SLC30A5: variants seen among roughly 807,000 people sequenced by gnomAD.
The protein encoded by SLC30A5 is solute carrier family 30 member 5, also known as proton-coupled zinc antiporter SLC30A5.
Under a neutral mutation model 79.6 loss-of-function variants are expected in SLC30A5, and 33 were observed. The observed-to-expected ratio is 0.41, with a 90% CI of 0.31 to 0.55. The LOEUF (loss-of-function observed/expected upper bound fraction) is 0.55, where lower values mean the gene tolerates loss of function less well. SLC30A5 is among the 20% of genes least tolerant of loss of function. The pLI, the probability that SLC30A5 is intolerant of heterozygous loss-of-function variation, is 0.20. For synonymous variants in SLC30A5, 299 were observed against 319.7 expected (o/e 0.94, Z 0.69); for missense variants, 788 against 928.1 (o/e 0.85, Z 1.96).
chr5:69,128,245 C>G (rs1215469878), intron 15 of SLC30A5, 113 bp downstream of exon 15: 2 of 575,276 alleles, frequency 3.5e-6, no homozygotes, highest in African/African-American at 4.4e-5. Flanking sequence ...ATCAATCTTC[C>G]AACTCTTTTT....
In SLC30A5 at chr5:69,114,470, G is replaced by T. The variant is rs752736012; in HGVS notation, c.586G>T (p.Ala196Ser). 3.7e-6 allele frequency: 6 copies of T among 1,605,806 alleles called. No individual in the cohort carries two copies. The highest frequency in any genetic ancestry group is 5.1e-6 in the Non-Finnish European group (6 of 1,173,290). The change falls in exon 7 of 16, where the codon GCC becomes TCC. Residue 196 changes from alanine (A) to serine (S), a missense_variant. Around this residue, in one of 3 missense-constraint regions of SLC30A5, gnomAD observed 626 missense variants for 755.5 expected, o/e 0.83. Coordinates refer to ENST00000396591, the MANE Select transcript of SLC30A5 (RefSeq NM_022902.5). Reference sequence around the variant, plus strand: ...AACTCATATGCTTTACACAGCCATTGCCTTCTTAGGTGTGGCAGATCACAA... The same window carrying T: ...AACTCATATGCTTTACACAGCCATTTCCTTCTTAGGTGTGGCAGATCACAA... Reference protein sequence around the residue: ...ALTHMLYTAIAFLGVADHKGG... With the variant: ...ALTHMLYTAISFLGVADHKGG...
chr5:69,116,642 T>C lies in SLC30A5; in HGVS notation c.1281+40T>C. The C allele has an allele frequency of 7.5e-7, 1 of 1,327,846 alleles. No homozygotes were observed. The highest frequency in any genetic ancestry group is 1.0e-6 in the Non-Finnish European group (1 of 989,366). 82.3% of individuals were successfully genotyped at this position (1,327,846 alleles called of 1,614,324 possible). A position where few individuals can be genotyped will look rare whatever the true frequency, so the allele number is the denominator to read the frequency against. On this transcript the variant is annotated intron_variant, in intron 10 of 15. Coordinates refer to ENST00000396591, the MANE Select transcript of SLC30A5 (RefSeq NM_022902.5). This position sits in a 1 kb window ranked among gnomAD's most constrained non-coding sequence, Gnocchi z 4.0. Reference sequence around the variant, plus strand: ...TGTTAATTGACATATCCTAAAAGCATAATATTTTAATTTTGACAGTTCTGG... The same window carrying C: ...TGTTAATTGACATATCCTAAAAGCACAATATTTTAATTTTGACAGTTCTGG...
In SLC30A5 at chr5:69,123,358, C is replaced by G; in HGVS notation, c.1931C>G (p.Ala644Gly). The change falls in exon 14 of 16, where the codon GCC (alanine) becomes GGC (glycine). Residue 644 changes from alanine to glycine, a missense_variant. Transcript: ENST00000396591. Reference protein sequence around the residue: ...FLSVVPLIKDACQVLLLRLPP... With the variant: ...FLSVVPLIKDGCQVLLLRLPP... ...AGTGTTGTTCCACTGATTAAAGATGCCTGCCAGGTTCTACTCCTGAGATTG... is the reference window on the plus strand; with the variant it reads ...AGTGTTGTTCCACTGATTAAAGATGGCTGCCAGGTTCTACTCCTGAGATTG... The G allele has an allele frequency of 1.2e-6, 2 of 1,613,928 alleles. No individual in the cohort carries two copies. The highest frequency in any genetic ancestry group is 1.7e-6 in the Non-Finnish European group (2 of 1,179,912).
rs185371740 is a variant in SLC30A5, at chr5:69,128,162, T to C, written c.2127+30T>C. ...TCTTTTGTTTTTAAAGTAATTTTAA[T>C]TGAGGTCATTCATACCCAAAATTGT... On this transcript the variant is annotated intron_variant, in intron 15 of 15. Coordinates refer to ENST00000396591, the MANE Select transcript of SLC30A5 (RefSeq NM_022902.5). 2.3e-3 allele frequency: 3,714 copies of C among 1,587,982 alleles called. 7 individuals are homozygous for C. Among genetic ancestry groups the C allele is most frequent in the Non-Finnish European group, 2.5e-3 (2,893 of 1,164,864 alleles).
At chr5:69,101,736 C>T (rs558790569) in intron 2 of SLC30A5, among the ~76,000 whole-genome samples, 2 of 151,142 alleles carry the variant, frequency 1.3e-5, no homozygotes, top group Admixed American at 6.6e-5. Context: ...GCAGGTGGAT[C>T]GCCTGAGGTC....
intron 2 of SLC30A5, among the ~76,000 whole-genome samples, chr5:69,101,923 C>T (rs1489152712): frequency 6.7e-6 from 1 of 150,170 alleles, no homozygotes; most frequent in Admixed American, 6.6e-5. Flanking sequence ...TGCCACTGCA[C>T]TCCAGCCTGG....
intron 2 of SLC30A5, among the ~76,000 whole-genome samples, chr5:69,101,569 G>A (rs535096610): frequency 1.3e-5 from 2 of 150,994 alleles, no homozygotes; most frequent in African/African-American, 2.4e-5. Flanking sequence ...GAGCCACCAC[G>A]CCTGGCCTAC....
At chr5:69,123,515 A>T (rs667796) in intron 14 of SLC30A5, 90 bp downstream of exon 14, 5 of 987,136 alleles carry the variant, frequency 5.1e-6, no homozygotes, top group African/African-American at 1.6e-5. Context: ...CCAAATAAAT[A>T]ATAAAACAAA....
chr5:69,116,515 G>A lies in SLC30A5; in HGVS notation c.1194G>A (p.Ser398=), dbSNP rs1449691783. The A allele has an allele frequency of 8.1e-6, 13 of 1,611,818 alleles. No individual in the cohort carries two copies. Among genetic ancestry groups the A allele is most frequent in the African/African-American group, 1.3e-5 (1 of 74,828 alleles). Residue 398 remains serine, a synonymous_variant, in exon 10 of 16, where the codon TCG becomes TCA. Coordinates refer to ENST00000396591, the MANE Select transcript of SLC30A5 (RefSeq NM_022902.5). This position sits in a 1 kb window ranked among gnomAD's most constrained non-coding sequence, Gnocchi z 4.0. ...ATGCTTTTCAGCATAGCTCTCAATC[G>A]ATCCCTAGGTTTATTAAGGAATCAC... ...MGDAFQHSSQ[S]IPRFIKESLK...
Position 69,123,258 on chromosome 5 carries a change from G to T in SLC30A5, c.1831G>T (p.Val611Phe). 6.2e-7 allele frequency: 1 copy of T among 1,613,990 alleles called. No individual in the cohort carries two copies. Among genetic ancestry groups the T allele is most frequent in the Non-Finnish European group, 8.5e-7 (1 of 1,179,990 alleles). The change falls in exon 14 of 16, where the codon GTT (valine) becomes TTT (phenylalanine). Residue 611 changes from valine (V) to phenylalanine (F), a missense_variant. Around this residue, in one of 3 missense-constraint regions of SLC30A5, gnomAD observed 626 missense variants for 755.5 expected, o/e 0.83. Transcript: ENST00000396591. ...CAGCATTGGTGTGATCGTATCCACA[G>T]TTCTTATAGAGCAGTTTGGATGGTT... is the stretch of plus-strand genomic sequence containing the variant. ...LGSIGVIVST[V>F]LIEQFGWFIA...
chr5:69,103,868 C>T (rs1003782611), intron 3 of SLC30A5: 4 of 975,768 alleles, frequency 4.1e-6, no homozygotes, highest in African/African-American at 3.5e-5. Context: ...ATTAGAAAGA[C>T]GAATTTAAGT....
chr5:69,125,689 A>C (rs796339286), intron 14 of SLC30A5, among the ~76,000 whole-genome samples: 9 of 151,672 alleles, frequency 5.9e-5, no homozygotes, highest in African/African-American at 2.2e-4. Context: ...AATACAAAAA[A>C]TTAGCCAGGC....
In SLC30A5 at chr5:69,121,918, C is replaced by T. The variant is rs1234165430; in HGVS notation, c.1771+23C>T. The T allele has an allele frequency of 5.0e-6, 8 of 1,586,656 alleles. No homozygotes were observed. In the Admixed American group the frequency reaches 1.2e-4, roughly 24 times the overall value. On this transcript the variant is annotated intron_variant, in intron 13 of 15. Coordinates refer to ENST00000396591, the MANE Select transcript of SLC30A5 (RefSeq NM_022902.5). The stretch of plus-strand genomic sequence containing the variant: ...GGGGTGAGTCCTTGCAAAATATTAT[C>T]CTACTTTTCAACTGTGTTCTAAATC...
intron 14 of SLC30A5, among the ~76,000 whole-genome samples, chr5:69,127,311 A>G (rs1016837959): frequency 4.6e-5 from 7 of 152,054 alleles, no homozygotes; most frequent in African/African-American, 1.7e-4. Context: ...ACTGCTATTG[A>G]TAAGAGCCCA....
At chr5:69,113,280 G>T (rs371544541) in intron 6 of SLC30A5, 53 bp downstream of exon 6, 6 of 1,346,064 alleles carry the variant, frequency 4.5e-6, no homozygotes, top group Non-Finnish European at 6.3e-6. Context: ...AAAACTAGAA[G>T]CCTGGAACAA....
intron 4 of SLC30A5, among the ~76,000 whole-genome samples, chr5:69,105,594 G>A (rs1268116321): frequency 6.6e-6 from 1 of 151,982 alleles, no homozygotes; most frequent in Non-Finnish European, 1.5e-5. Flanking sequence ...GGAGGCGAAG[G>A]TTGCAGTGAG....
chr5:69,125,762 C>G (rs1053755359), intron 14 of SLC30A5, among the ~76,000 whole-genome samples: 58 of 53,314 alleles, frequency 1.1e-3, no homozygotes, highest in African/African-American at 3.2e-3. Flanking sequence ...TGGCATGAAC[C>G]TGGGAGGCGG....
chr5:69,094,387 C>T, intron 1 of SLC30A5, 49 bp downstream of exon 1: 1 of 1,242,052 alleles, frequency 8.1e-7, no homozygotes, highest in Non-Finnish European at 1.0e-6. Flanking sequence ...GCTCAGGATG[C>T]ACTTTCTCCG....
chr5:69,100,931 T>A lies in SLC30A5; in HGVS notation c.206+2T>A. 7.2e-7 allele frequency: 1 copy of A among 1,395,278 alleles called. No homozygotes were observed. The highest frequency in any genetic ancestry group is 9.9e-7 in the Non-Finnish European group (1 of 1,007,684). 86.4% of individuals were successfully genotyped at this position (1,395,278 alleles called of 1,614,324 possible). On this transcript the variant is annotated splice_donor_variant, in intron 2 of 15. Transcript: ENST00000396591. LOFTEE classifies it high-confidence loss of function. ...GTTCATTTTTATATTAAAACTTGGGTGAGTGTGGGGGGGGGTTTTTTCTTG... is the reference window on the plus strand; with the variant it reads ...GTTCATTTTTATATTAAAACTTGGGAGAGTGTGGGGGGGGGTTTTTTCTTG...
Sources: gnomAD v4.1 joint callset for allele counts (sites outside exome capture counted in the v4.1 genomes callset) on GRCh38, gnomAD v4.1.1 for gene constraint, gnomAD v4.1.1 regional missense constraint, Gnocchi (gnomAD v3.1) non-coding constraint, MANE v1.5 for transcripts, NCBI Gene and HGNC (gene_info 2026-07-23, HGNC 2026-07-21) for gene names.